Variants in MON2 observed in about 807,000 individuals in gnomAD.
The protein encoded by MON2 is protein MON2 homolog.
In MON2, 84 loss-of-function variants were observed where a neutral mutation model predicts 208.6. The ratio of observed to expected loss-of-function variants is 0.40; its 90% confidence interval spans 0.34 to 0.48. The LOEUF is 0.48. MON2 is among the 20% of genes least tolerant of loss of function. The pLI, the probability that MON2 is intolerant of heterozygous loss-of-function variation, is 0.59. For missense variants in MON2, 1,611 were observed against 2,015.4 expected, an observed-to-expected ratio of 0.80 and a Z score of 3.84; for synonymous variants, 660 against 694.0, an observed-to-expected ratio of 0.95 and a Z score of 0.77.
At chr12:62,553,358 C>T (rs1796226491) in intron 24 of MON2, 184 bp downstream of exon 24, 2 of 530,002 alleles carry the variant, frequency 3.8e-6, no homozygotes, top group East Asian at 3.1e-5. Context: ...TAAATATTAA[C>T]AGCCTTATCT....
intron 1 of MON2, chr12:62,482,987 T>C (rs1406955498): frequency 6.6e-6 from 1 of 152,096 alleles, no homozygotes; most frequent in Admixed American, 6.6e-5. Flanking sequence ...TAAGCCATGA[T>C]TGTGGCATTG....
chr12:62,532,115 A>G (rs944905348), intron 11 of MON2, among the ~76,000 whole-genome samples: 31 of 152,160 alleles, frequency 2.0e-4, no homozygotes, highest in African/African-American at 7.2e-4. Context: ...AAGAAGTTTT[A>G]TCTCATTGTA....
chr12:62,519,938 C>G (rs539220516), intron 8 of MON2, among the ~76,000 whole-genome samples: 3 of 152,388 alleles, frequency 2.0e-5, no homozygotes, highest in Non-Finnish European at 4.4e-5. Context: ...GCCTCAGCCT[C>G]TTGAGTAGCT....
rs1469094542 is a variant in MON2, at chr12:62,599,879, G to A, written c.*7130G>A. On this transcript the variant is annotated 3_prime_UTR_variant, in exon 35 of 35. Coordinates refer to ENST00000393630, the MANE Select transcript of MON2 (RefSeq NM_015026.3). The stretch of plus-strand genomic sequence containing the variant: ...AGAACTAAAAATACTGTGAAAAAAA[G>A]ATTTGTCTTAACGATGACCTTGAAA... The A allele has an allele frequency of 5.9e-5, 9 of 152,180 alleles. No homozygotes were observed. Among genetic ancestry groups the A allele is most frequent in the African/African-American group, 2.2e-4 (9 of 41,448 alleles). The allele number at this position is 152,180 out of a possible 1,614,324, so 9.4% of individuals were successfully genotyped here.
intron 5 of MON2, among the ~76,000 whole-genome samples, chr12:62,499,295 A>G (rs751234136): frequency 7.9e-5 from 12 of 152,146 alleles, no homozygotes; most frequent in Admixed American, 2.0e-4. Context: ...CATTATATGT[A>G]TTTTTTAACC....
intron 2 of MON2, chr12:62,484,860 C>T (rs2069665338): frequency 1.3e-5 from 2 of 150,296 alleles, no homozygotes; most frequent in South Asian, 2.1e-4. Flanking sequence ...CCTTTCTCTT[C>T]CTTGGTGCCT....
rs1473927721 is a variant in MON2, at chr12:62,565,237, G to A, written c.4033G>A (p.Ala1345Thr). ...VLTALDVLQK[A>T]ICVGPENMQI... ...TAATGTTCTTATTTTGCTTTTATAG[G>A]CCATTTGTGTAGGACCAGAAAACAT... Residue 1345 changes from alanine to threonine, a missense_variant and splice_region_variant, in exon 27 of 35, where the codon GCC becomes ACC. Transcript: ENST00000393630. 2 of 1,611,512 alleles carry A rather than the reference G, an allele frequency of 1.2e-6. No individual in the cohort carries two copies. Among genetic ancestry groups the A allele is most frequent in the Admixed American group, 3.4e-5 (2 of 59,636 alleles).
In MON2 at chr12:62,515,564, C is replaced by T. The variant is rs538943883; in HGVS notation, c.984+7084C>T. ...GGTGCAGTGGTGCATGCCTGTAATC[C>T]CAGCACTTTGTAAGGCCAAGGTGGA... is the stretch of plus-strand genomic sequence containing the variant. On this transcript the variant is annotated intron_variant, in intron 8 of 34. Transcript: ENST00000393630. 2.9e-4 allele frequency among the ~76,000 whole-genome samples: 44 copies of T among 152,088 alleles called. 1 individual carries two copies. The highest frequency in any genetic ancestry group is 1.0e-3 in the African/African-American group (42 of 41,486).
rs575865784 is a variant in MON2 at position 62,473,241 on chromosome 12, A to G, written c.111+5923A>G. The stretch of plus-strand genomic sequence containing the variant: ...CTTAGACTCTAATGCAACATGCCAT[A>G]TTAAATATTTCATTTTACAGATGAG... On this transcript the variant is annotated intron_variant, in intron 1 of 34. Transcript: ENST00000393630. 3.3e-5 allele frequency among the ~76,000 whole-genome samples: 5 copies of G among 152,336 alleles called. No individual in the cohort carries two copies. In the East Asian group the frequency reaches 5.8e-4, roughly 18 times the overall value.
Position 62,594,333 on chromosome 12 carries a change from T to C in MON2, c.*1584T>C, listed in dbSNP as rs2075476721. 1 of 152,212 alleles carries C rather than the reference T, an allele frequency of 6.6e-6. No homozygotes were observed. The highest frequency in any genetic ancestry group is 2.4e-5 in the African/African-American group (1 of 41,462). The allele number at this position is 152,212 out of a possible 1,614,324, so 9.4% of individuals were successfully genotyped here. A position where few individuals can be genotyped will look rare whatever the true frequency, so the allele number is the denominator to read the frequency against. On this transcript the variant is annotated 3_prime_UTR_variant, in exon 35 of 35. Transcript: ENST00000393630. ...TTGTATAATTATTTAATTTGCATTA[T>C]CTGTAAAATGTAGTAAGGTCTTTGA...
At chr12:62,526,219 A>G in intron 11 of MON2, 117 bp downstream of exon 11, 1 of 955,110 alleles carries the variant, frequency 1.0e-6, no homozygotes, top group Admixed American at 2.7e-5. Flanking sequence ...GGTATTTTAG[A>G]GCTCATTTTC....
At position 62,544,965 on chromosome 12, in the gene MON2, C is replaced by G; in HGVS notation, c.2534C>G (p.Ala845Gly). The change falls in exon 21 of 35, where the codon GCA becomes GGA. Residue 845 changes from alanine (A) to glycine (G), a missense_variant. Coordinates refer to ENST00000393630, the MANE Select transcript of MON2 (RefSeq NM_015026.3). Reference sequence around the variant, plus strand: ...GAAGCTTTAACTTCTCTTATTAAAGCAGGATTAACATTTAACCATGATCCT... The same window carrying G: ...GAAGCTTTAACTTCTCTTATTAAAGGAGGATTAACATTTAACCATGATCCT... Reference protein sequence around the residue: ...GAEALTSLIKAGLTFNHDPPL... With the variant: ...GAEALTSLIKGGLTFNHDPPL... 6.2e-7 allele frequency: 1 copy of G among 1,606,658 alleles called. No individual in the cohort carries two copies. Among genetic ancestry groups the G allele is most frequent in the Non-Finnish European group, 8.5e-7 (1 of 1,176,762 alleles).
Position 62,535,587 on chromosome 12 carries a change from G to A in MON2, c.1778G>A (p.Gly593Glu). ...GAACTGACTATGGCTGCTCTTTGTG[G>A]AAGACTGGGCCTTGTAACTTCAAGA... The part of the protein sequence containing the change: ...KAELTMAALC[G>E]RLGLVTSRDA... The change falls in exon 14 of 35, where the codon GGA (glycine) becomes GAA (glutamate). Residue 593 changes from glycine (G) to glutamate (E), a missense_variant. Transcript: ENST00000393630. The A allele has an allele frequency of 6.2e-7, 1 of 1,613,608 alleles. No individual in the cohort carries two copies. The highest frequency in any genetic ancestry group is 8.5e-7 in the Non-Finnish European group (1 of 1,179,794).
intron 8 of MON2, among the ~76,000 whole-genome samples, chr12:62,510,745 C>G (rs1284115002): frequency 6.6e-6 from 1 of 152,136 alleles, no homozygotes; most frequent in Non-Finnish European, 1.5e-5. Context: ...GGCAAGATTG[C>G]CTACTCTTGC....
intron 1 of MON2, among the ~76,000 whole-genome samples, chr12:62,472,568 T>G (rs562034857): frequency 4.6e-5 from 7 of 152,278 alleles, no homozygotes; most frequent in Non-Finnish European, 1.0e-4. Flanking sequence ...TGTGATAGAG[T>G]TCCTCAGTAT....
intron 21 of MON2, among the ~76,000 whole-genome samples, 153 bp from the exon 22 acceptor site, chr12:62,546,744 G>A (rs1220877021): frequency 1.3e-5 from 2 of 152,026 alleles, no homozygotes. Flanking sequence ...GTGACAGGAC[G>A]AGACTCCATT....
At chr12:62,546,367 A>C (rs747621867) in intron 21 of MON2, among the ~76,000 whole-genome samples, 16 of 152,182 alleles carry the variant, frequency 1.1e-4, no homozygotes, top group Admixed American at 2.0e-4. Flanking sequence ...CTAAAATCTA[A>C]CATCTTGAAA....
chr12:62,469,761 G>T (rs2068693032), intron 1 of MON2, among the ~76,000 whole-genome samples: 1 of 152,016 alleles, frequency 6.6e-6, no homozygotes, highest in Non-Finnish European at 1.5e-5. Context: ...TTTCTCTTTG[G>T]TTGCCAACTA....
Position 62,596,933 on chromosome 12 carries a change from A to G in MON2, c.*4184A>G, listed in dbSNP as rs1194502713. 2.0e-5 allele frequency: 3 copies of G among 152,236 alleles called. No homozygotes were observed. Among genetic ancestry groups the G allele is most frequent in the African/African-American group, 4.8e-5 (2 of 41,464 alleles). The allele number at this position is 152,236 out of a possible 1,614,324, so 9.4% of individuals were successfully genotyped here. On this transcript the variant is annotated 3_prime_UTR_variant, in exon 35 of 35. Coordinates refer to ENST00000393630, the MANE Select transcript of MON2 (RefSeq NM_015026.3). ...TAAAAGAACATGTGGCAAGTTCTAT[A>G]TGAATATTCTTGGTCATCTCGACTA...
Sources: gnomAD v4.1 joint callset for allele counts (sites outside exome capture counted in the v4.1 genomes callset) on GRCh38, gnomAD v4.1.1 for gene constraint, MANE v1.5 for transcripts, NCBI Gene and HGNC (gene_info 2026-07-23, HGNC 2026-07-21) for gene names.